Variants in ITGBL1 observed in about 807,000 individuals in gnomAD.
ITGBL1 encodes the protein integrin subunit beta like 1, also known as integrin beta-like protein 1.
A neutral mutation model predicts 68.5 loss-of-function variants in ITGBL1; 51 were observed. The observed-to-expected ratio is 0.74, with a 90% CI of 0.59 to 0.94. The LOEUF is 0.94. Among genes scored for constraint, ITGBL1 ranks in the 40% least tolerant of loss-of-function variants. The probability of loss-of-function intolerance (pLI) is 0.00; values close to 1 mark genes in which losing one functional copy is unlikely to be tolerated. For synonymous variants in ITGBL1, 209 were observed against 227.3 expected (o/e 0.92, Z 0.72); for missense variants, 649 against 647.4 (o/e 1.00, Z -0.03).
intron 2 of ITGBL1, among the ~76,000 whole-genome samples, chr13:101,520,353 C>T (rs2049265480): frequency 6.6e-6 from 1 of 152,008 alleles, no homozygotes; most frequent in Non-Finnish European, 1.5e-5. Context: ...ATTAGCAGTG[C>T]TTTTTAGAGA....
At chr13:101,628,676 G>A (rs549123517) in intron 7 of ITGBL1, among the ~76,000 whole-genome samples, 1 of 150,030 alleles carries the variant, frequency 6.7e-6, no homozygotes, top group Non-Finnish European at 1.5e-5. Flanking sequence ...TCTTGACCTC[G>A]TGATCCACCC....
intron 2 of ITGBL1, among the ~76,000 whole-genome samples, chr13:101,491,719 G>A (rs541235850): frequency 7.9e-5 from 12 of 152,082 alleles, no homozygotes; most frequent in Admixed American, 2.6e-4. Context: ...GTGGTTTGCT[G>A]CACCCATTAA....
intron 2 of ITGBL1, among the ~76,000 whole-genome samples, chr13:101,517,995 C>T (rs895831362): frequency 1.6e-4 from 24 of 152,144 alleles, no homozygotes; most frequent in Non-Finnish European, 2.2e-4. Context: ...TATGGCATGA[C>T]GTGAGCTGGT....
At chr13:101,481,502 T>G (rs2048623818) in intron 2 of ITGBL1, among the ~76,000 whole-genome samples, 1 of 151,910 alleles carries the variant, frequency 6.6e-6, no homozygotes, top group Non-Finnish European at 1.5e-5. Context: ...ATTTGGTAAA[T>G]GTAACTAGTT....
intron 2 of ITGBL1, among the ~76,000 whole-genome samples, chr13:101,498,672 A>G (rs2139078675): frequency 6.6e-6 from 1 of 152,288 alleles, no homozygotes; most frequent in East Asian, 1.9e-4. Context: ...GTATACTTAT[A>G]TATAGGTGTA....
intron 7 of ITGBL1, among the ~76,000 whole-genome samples, chr13:101,640,961 C>T (rs1376494510): frequency 6.6e-6 from 1 of 152,158 alleles, no homozygotes; most frequent in African/African-American, 2.4e-5. Flanking sequence ...TCCATCATTA[C>T]TTATTTAGTA....
intron 7 of ITGBL1, among the ~76,000 whole-genome samples, chr13:101,658,056 A>G (rs924521716): frequency 2.0e-5 from 3 of 152,234 alleles, no homozygotes; most frequent in African/African-American, 7.2e-5. Context: ...CTAGGAAAGA[A>G]TGGCCAATTA....
At chr13:101,590,149 A>G (rs1044480750) in intron 6 of ITGBL1, among the ~76,000 whole-genome samples, 1 of 152,232 alleles carries the variant, frequency 6.6e-6, no homozygotes, top group Admixed American at 6.5e-5. Flanking sequence ...TTCCACAGCT[A>G]ATCTGGCTTT....
chr13:101,509,704 G>GC (rs1359903334), intron 2 of ITGBL1, among the ~76,000 whole-genome samples: 4 of 152,104 alleles, frequency 2.6e-5, no homozygotes, highest in Non-Finnish European at 5.9e-5. Context: ...GATGCACAAA[G>GC]CCAGTCATCC....
chr13:101,523,319 A>G (rs1156614197), intron 2 of ITGBL1, among the ~76,000 whole-genome samples: 1 of 152,142 alleles, frequency 6.6e-6, no homozygotes, highest in Non-Finnish European at 1.5e-5. Context: ...TTTTCCCATG[A>G]CTTCCTTTTT....
At chr13:101,463,905 CTT>C (rs200070869) in intron 2 of ITGBL1, among the ~76,000 whole-genome samples, 4,288 of 127,350 alleles carry the variant, frequency 0.034, 179 homozygotes, top group East Asian at 0.12. Context: ...CATTCTAGTT[CTT>C]TTTTTTTTTT....
intron 6 of ITGBL1, among the ~76,000 whole-genome samples, chr13:101,592,435 G>C (rs1213566024): frequency 6.6e-6 from 1 of 151,920 alleles, no homozygotes; most frequent in East Asian, 1.9e-4. Context: ...AATATACTTA[G>C]GAATAAAATT....
chr13:101,547,241 G>T (rs1380785244), intron 2 of ITGBL1, among the ~76,000 whole-genome samples: 1 of 151,414 alleles, frequency 6.6e-6, no homozygotes, highest in Non-Finnish European at 1.5e-5. Context: ...CCTCCTTTTT[G>T]AATTTATTAT....
intron 2 of ITGBL1, among the ~76,000 whole-genome samples, chr13:101,494,810 G>C (rs2048832370): frequency 1.3e-5 from 2 of 152,156 alleles, no homozygotes; most frequent in Admixed American, 1.3e-4. Flanking sequence ...AAGTATACAT[G>C]CATAAGACAA....
intron 6 of ITGBL1, among the ~76,000 whole-genome samples, chr13:101,592,326 A>C (rs578014918): frequency 6.6e-6 from 1 of 152,274 alleles, no homozygotes; most frequent in East Asian, 1.9e-4. Flanking sequence ...AAGTGCATGA[A>C]AATAAAGTGT....
At chr13:101,466,017 G>A (rs1454188552) in intron 2 of ITGBL1, among the ~76,000 whole-genome samples, 4 of 152,110 alleles carry the variant, frequency 2.6e-5, no homozygotes, top group African/African-American at 7.2e-5. Flanking sequence ...AAATGAAGAC[G>A]TGGAGTCAGA....
intron 7 of ITGBL1, among the ~76,000 whole-genome samples, chr13:101,646,376 A>G (rs949891988): frequency 2.0e-5 from 3 of 152,242 alleles, no homozygotes; most frequent in East Asian, 1.9e-4. Context: ...TGCAAATTAC[A>G]TAAACGAATG....
intron 9 of ITGBL1, among the ~76,000 whole-genome samples, chr13:101,709,103 C>T (rs561218551): frequency 2.6e-5 from 4 of 152,154 alleles, no homozygotes; most frequent in African/African-American, 7.2e-5. Context: ...CGGTGGCTCA[C>T]GCCTGTAATC....
chr13:101,499,309 C>T (rs1380897527), intron 2 of ITGBL1, among the ~76,000 whole-genome samples: 1 of 152,178 alleles, frequency 6.6e-6, no homozygotes, highest in Non-Finnish European at 1.5e-5. Flanking sequence ...CTGGATATTT[C>T]TGCTTTGGCT....
Sources: allele counts gnomAD v4.1 joint callset (sites outside exome capture counted in the v4.1 genomes callset), GRCh38; gene constraint gnomAD v4.1.1; transcripts MANE v1.5; gene names NCBI Gene and HGNC (gene_info 2026-07-23, HGNC 2026-07-21).